The following DNAJC15 variants were observed in gnomAD, a reference collection of about 807,000 sequenced individuals.
DNAJC15 encodes dnaJ homolog subfamily C member 15.
A neutral mutation model predicts 22.4 loss-of-function variants in DNAJC15; 27 were observed. The observed-to-expected ratio is 1.20, with a 90% CI of 0.89 to 1.66. The LOEUF (loss-of-function observed/expected upper bound fraction) is 1.66. Among genes scored for constraint, DNAJC15 ranks in the 40% most tolerant of loss-of-function variants. The pLI is 0.00. For synonymous variants in DNAJC15, 79 were observed against 63.2 expected, an observed-to-expected ratio of 1.25 and a Z score of -1.19; for missense variants, 208 against 187.1, an observed-to-expected ratio of 1.11 and a Z score of -0.65.
At position 43,065,732 on chromosome 13, in the gene DNAJC15, T is replaced by C; in HGVS notation, c.155T>C (p.Phe52Ser). ...AVGLGVAALAFAGRYAFRIWK... is the reference protein window; with the variant it reads ...AVGLGVAALASAGRYAFRIWK... ...GGACTGGGTGTTGCAGCTCTTGCAT[T>C]TGCAGGTAAGATAAAGAATACATAC... The change falls in exon 2 of 6, where the codon TTT (phenylalanine) becomes TCT (serine). Residue 52 changes from phenylalanine to serine, a missense_variant. Physicochemically the swap from Phe to Ser is radical, Grantham distance 155. Transcript: ENST00000379221. The C allele has an allele frequency of 6.2e-7, 1 of 1,613,224 alleles. No individual in the cohort carries two copies. Among genetic ancestry groups the C allele is most frequent in the East Asian group, 2.2e-5 (1 of 44,786 alleles).
Position 43,107,279 on chromosome 13 carries a change from A to G in DNAJC15, c.*31A>G, listed in dbSNP as rs1172780350. 3 of 1,507,894 alleles carry G rather than the reference A, an allele frequency of 2.0e-6. No individual in the cohort carries two copies. The highest frequency in any genetic ancestry group is 2.6e-6 in the Non-Finnish European group (3 of 1,133,740). The allele number at this position is 1,507,894 out of a possible 1,614,324, so 93.4% of individuals were successfully genotyped here. Reference sequence around the variant, plus strand: ...AAGGACCACACTGAAGGAAAAAAAAAGAGGGGACTTCGAAAAAAAAAAAAG... The same window carrying G: ...AAGGACCACACTGAAGGAAAAAAAAGGAGGGGACTTCGAAAAAAAAAAAAG... On this transcript the variant is annotated 3_prime_UTR_variant, in exon 6 of 6. Coordinates refer to ENST00000379221, the MANE Select transcript of DNAJC15 (RefSeq NM_013238.3).
chr13:43,062,779 T>G (rs1344269773), intron 1 of DNAJC15, among the ~76,000 whole-genome samples: 1 of 150,962 alleles, frequency 6.6e-6, no homozygotes, highest in East Asian at 1.9e-4. Context: ...AGTGCAATGG[T>G]GCAGTCTTGG....
At chr13:43,088,024 G>T (rs1307562465) in intron 5 of DNAJC15, among the ~76,000 whole-genome samples, 1 of 152,152 alleles carries the variant, frequency 6.6e-6, no homozygotes, top group Non-Finnish European at 1.5e-5. Context: ...GAGGTTGGTG[G>T]TTATGAAATG....
At position 43,112,534 on chromosome 13, in the gene DNAJC15, TAAACTATAATGCTA is replaced by T. The variant is rs2040829869; in HGVS notation, c.*5290_*5303del. The T allele has an allele frequency of 6.6e-6, 1 of 152,226 alleles. No homozygotes were observed. The highest frequency in any genetic ancestry group is 2.1e-4 in the South Asian group (1 of 4,828). 9.4% of individuals were successfully genotyped at this position (152,226 alleles called of 1,614,324 possible). A position where few individuals can be genotyped will look rare whatever the true frequency, so the allele number is the denominator to read the frequency against. On this transcript the variant is annotated 3_prime_UTR_variant, in exon 6 of 6. Coordinates refer to ENST00000379221, the MANE Select transcript of DNAJC15 (RefSeq NM_013238.3). ...GAGATATTGGTTCAATATGGACATC[TAAACTATAATGCTA>T]AAAGCCAATAATTAGAATAAGTTCA... is the stretch of plus-strand genomic sequence containing the variant.
In DNAJC15 at chr13:43,032,835, A is replaced by G. The variant is rs181011037; in HGVS notation, c.108+9101A>G. Among the ~76,000 whole-genome samples, 31 of 152,024 alleles carry G rather than the reference A, an allele frequency of 2.0e-4. No individual in the cohort carries two copies. The East Asian group carries it at 5.6e-3, about 28-fold the overall frequency. On this transcript the variant is annotated intron_variant, in intron 1 of 5. Coordinates refer to ENST00000379221, the MANE Select transcript of DNAJC15 (RefSeq NM_013238.3). ...GCAAGACTCTGTCTCAACAACAACA[A>G]AAAGAAGTAAGTACTGTTAGCTTAT...
At position 43,113,701 on chromosome 13, in the gene DNAJC15, T is replaced by C. The variant is rs1182989573; in HGVS notation, c.*6453T>C. On this transcript the variant is annotated 3_prime_UTR_variant, in exon 6 of 6. Transcript: ENST00000379221. ...TTGGATTAGTGGTGCCTTTGCTCTT[T>C]CCTTCTGTAAATGTGAATAGTTAAG... is the stretch of plus-strand genomic sequence containing the variant. The C allele has an allele frequency of 6.6e-6, 1 of 152,248 alleles. No individual in the cohort carries two copies. The highest frequency in any genetic ancestry group is 1.5e-5 in the Non-Finnish European group (1 of 68,042). 9.4% of individuals were successfully genotyped at this position (152,248 alleles called of 1,614,324 possible). A position where few individuals can be genotyped will look rare whatever the true frequency, so the allele number is the denominator to read the frequency against.
intron 3 of DNAJC15, among the ~76,000 whole-genome samples, chr13:43,077,784 C>T (rs143647806): frequency 6.6e-6 from 1 of 152,318 alleles, no homozygotes; most frequent in East Asian, 1.9e-4. Flanking sequence ...TTCTTTTTCT[C>T]ATATCCCAAA....
intron 1 of DNAJC15, among the ~76,000 whole-genome samples, chr13:43,029,109 T>G (rs899506781): frequency 2.6e-5 from 4 of 152,228 alleles, no homozygotes; most frequent in Non-Finnish European, 5.9e-5. Context: ...GACACCTGTA[T>G]TTTTTCCTTG....
chr13:43,034,618 A>AT (rs142913061), intron 1 of DNAJC15, among the ~76,000 whole-genome samples: 83,561 of 151,690 alleles, frequency 0.55, 23,195 homozygotes, highest in South Asian at 0.65. Flanking sequence ...CCCAGCCGAG[A>AT]TTGTCCTTTT....
At chr13:43,084,744 C>A (rs969465017) in intron 4 of DNAJC15, among the ~76,000 whole-genome samples, 11 of 152,124 alleles carry the variant, frequency 7.2e-5, no homozygotes, top group Non-Finnish European at 1.5e-5. Flanking sequence ...TTGGGTTTTA[C>A]CCAAATAATT....
At chr13:43,059,389 TGGAGAC>T (rs1307145597) in intron 1 of DNAJC15, among the ~76,000 whole-genome samples, 3 of 152,170 alleles carry the variant, frequency 2.0e-5, no homozygotes, top group Non-Finnish European at 4.4e-5. Context: ...TTTCTTTTTT[TGGAGAC>T]GGAGTTTTGC....
At chr13:43,034,026 C>G (rs1431905170) in intron 1 of DNAJC15, among the ~76,000 whole-genome samples, 1 of 105,662 alleles carries the variant, frequency 9.5e-6, no homozygotes, top group Non-Finnish European at 1.8e-5. Flanking sequence ...AAAACTTCAT[C>G]TCAAAAAAAA....
intron 1 of DNAJC15, among the ~76,000 whole-genome samples, chr13:43,024,412 C>G (rs1299965734): frequency 2.2e-5 from 3 of 135,832 alleles, no homozygotes; most frequent in African/African-American, 8.2e-5. Context: ...GGCGCGATCT[C>G]GGCTCACTGC....
chr13:43,086,644 T>C (rs1269773919), intron 5 of DNAJC15, among the ~76,000 whole-genome samples: 1 of 152,246 alleles, frequency 6.6e-6, no homozygotes, highest in Non-Finnish European at 1.5e-5. Context: ...TTTTTTTCGC[T>C]AAGCATCATC....
At chr13:43,101,196 T>C (rs922362777) in intron 5 of DNAJC15, among the ~76,000 whole-genome samples, 1 of 152,190 alleles carries the variant, frequency 6.6e-6, no homozygotes, top group African/African-American at 2.4e-5. Flanking sequence ...TGTTTGCTTT[T>C]CTTCAATTTT....
At chr13:43,078,770 C>T (rs3783043) in intron 4 of DNAJC15, 82 bp downstream of exon 4, 11 of 1,224,722 alleles carry the variant, frequency 9.0e-6, no homozygotes, top group East Asian at 2.5e-5. Context: ...TAAGGTTATA[C>T]TTAGACTTAA....
intron 5 of DNAJC15, among the ~76,000 whole-genome samples, chr13:43,103,138 T>G (rs2040778122): frequency 6.6e-6 from 1 of 152,226 alleles, no homozygotes; most frequent in African/African-American, 2.4e-5. Context: ...TTGTGATATC[T>G]TCCTTGACGC....
intron 4 of DNAJC15, among the ~76,000 whole-genome samples, chr13:43,083,260 T>C (rs559970497): frequency 6.6e-6 from 1 of 152,108 alleles, no homozygotes; most frequent in African/African-American, 2.4e-5. Context: ...CTCCGCCTCC[T>C]GGGTTCATGC....
chr13:43,071,729 CAAA>C lies in DNAJC15; in HGVS notation c.234+2730_234+2732del, dbSNP rs56796889. On this transcript the variant is annotated intron_variant, in intron 3 of 5. Transcript: ENST00000379221. ...TGTGGGTCACTAAATCTCTGTCATT[CAAA>C]AAAGATTGTCCAAGGCTCAAGTTTC... Among the ~76,000 whole-genome samples, 1,137 of 152,258 alleles carry C rather than the reference CAAA, an allele frequency of 7.5e-3. 15 individuals are homozygous for C. The highest frequency in any genetic ancestry group is 0.025 in the African/African-American group (1,049 of 41,548).
Sources: allele counts gnomAD v4.1 joint callset (sites outside exome capture counted in the v4.1 genomes callset), GRCh38; gene constraint gnomAD v4.1.1; transcripts MANE v1.5; gene names NCBI Gene and HGNC (gene_info 2026-07-23, HGNC 2026-07-21).